Variants in CSMD3 observed in about 807,000 individuals in gnomAD.
CSMD3 encodes CUB and sushi domain-containing protein 3.
In CSMD3, 177 loss-of-function variants were observed where a neutral mutation model predicts 435.2. The observed-to-expected ratio is 0.41, with a 90% confidence interval of 0.36 to 0.46. The LOEUF (loss-of-function observed/expected upper bound fraction) is 0.46. Ranked by LOEUF, CSMD3 falls within the 20% of genes least tolerant of loss-of-function variation. CSMD3 has a pLI of 0.34. For synonymous variants in CSMD3, 1,656 were observed against 1,520.5 expected (o/e 1.09, Z -2.07); for missense variants, 4,265 against 4,504.6 (o/e 0.95, Z 1.52).
At chr8:112,499,556 C>A (rs1005209875) in intron 30 of CSMD3, among the ~76,000 whole-genome samples, 1 of 151,954 alleles carries the variant, frequency 6.6e-6, no homozygotes, top group African/African-American at 2.4e-5. Flanking sequence ...AAAACAAATC[C>A]TATGACAAGC....
chr8:113,270,760 G>A (rs1437683271), intron 3 of CSMD3, among the ~76,000 whole-genome samples: 1 of 151,710 alleles, frequency 6.6e-6, no homozygotes, highest in Non-Finnish European at 1.5e-5. Context: ...TCACTAATAG[G>A]TGGGAATTGA....
intron 26 of CSMD3, among the ~76,000 whole-genome samples, chr8:112,552,275 C>G (rs1389001885): frequency 6.6e-6 from 1 of 151,786 alleles, no homozygotes; most frequent in Non-Finnish European, 1.5e-5. Flanking sequence ...TGCTTGAGCC[C>G]AACATTTTGA....
intron 7 of CSMD3, among the ~76,000 whole-genome samples, chr8:112,964,408 C>A (rs1397340886): frequency 6.6e-6 from 1 of 151,816 alleles, no homozygotes; most frequent in Non-Finnish European, 1.5e-5. Flanking sequence ...TCATAAGGCA[C>A]AAAAGCTTTA....
chr8:112,249,437 C>G (rs1815064016), intron 63 of CSMD3, among the ~76,000 whole-genome samples: 1 of 152,072 alleles, frequency 6.6e-6, no homozygotes. Context: ...ATATTTCCAA[C>G]AAGTTCCCAG....
intron 35 of CSMD3, among the ~76,000 whole-genome samples, chr8:112,392,796 C>T (rs889190542): frequency 6.0e-5 from 9 of 151,032 alleles, no homozygotes; most frequent in African/African-American, 2.2e-4. Context: ...TGTTGCTTCT[C>T]TGGTGAAAAT....
At chr8:112,883,195 A>C (rs1196534732) in intron 10 of CSMD3, among the ~76,000 whole-genome samples, 1 of 151,980 alleles carries the variant, frequency 6.6e-6, no homozygotes, top group Non-Finnish European at 1.5e-5. Context: ...AGAAACTGAG[A>C]ATTTGGATGT....
At chr8:112,432,404 C>T (rs535241118) in intron 32 of CSMD3, among the ~76,000 whole-genome samples, 1 of 152,044 alleles carries the variant, frequency 6.6e-6, no homozygotes, top group Non-Finnish European at 1.5e-5. Context: ...CCAGGGCTCA[C>T]GTGATTCTCC....
At chr8:112,807,260 C>T (rs1441181478) in intron 12 of CSMD3, among the ~76,000 whole-genome samples, 1 of 152,148 alleles carries the variant, frequency 6.6e-6, no homozygotes, top group African/African-American at 2.4e-5. Flanking sequence ...TCTGCTGGGC[C>T]TCATGTTAAT....
At chr8:112,805,931 A>T (rs1462458842) in intron 12 of CSMD3, among the ~76,000 whole-genome samples, 2 of 152,190 alleles carry the variant, frequency 1.3e-5, no homozygotes, top group Non-Finnish European at 2.9e-5. Context: ...GAAACTAAAG[A>T]GCAATAAAAA....
At chr8:113,137,751 T>C (rs2091452053) in intron 4 of CSMD3, among the ~76,000 whole-genome samples, 1 of 151,654 alleles carries the variant, frequency 6.6e-6, no homozygotes, top group South Asian at 2.1e-4. Flanking sequence ...CCATCATGAC[T>C]CAATTACCTC....
In CSMD3 at chr8:112,770,381, G is replaced by A. The variant is rs932538868; in HGVS notation, c.1972+29781C>T. Reference sequence around the variant, plus strand: ...ATTCCTCCCCTTCAGAGGATGAAGCGTTCAAGGCACCATCTTGGAAACAGA... The same window carrying A: ...ATTCCTCCCCTTCAGAGGATGAAGCATTCAAGGCACCATCTTGGAAACAGA... On this transcript the variant is annotated intron_variant, in intron 13 of 70. Transcript: ENST00000297405. 5.3e-5 allele frequency among the ~76,000 whole-genome samples: 8 copies of A among 152,020 alleles called. No homozygotes were observed. In the South Asian group the frequency reaches 6.2e-4, roughly 12 times the overall value.
At chr8:112,410,664 A>T (rs565025244) in intron 32 of CSMD3, among the ~76,000 whole-genome samples, 1 of 102,436 alleles carries the variant, frequency 9.8e-6, no homozygotes, top group Non-Finnish European at 2.0e-5. Flanking sequence ...ATATATATGT[A>T]TATATATATG....
At chr8:112,448,953 T>A (rs745418270) in intron 32 of CSMD3, among the ~76,000 whole-genome samples, 1 of 152,132 alleles carries the variant, frequency 6.6e-6, no homozygotes, top group Non-Finnish European at 1.5e-5. Context: ...GATCTTGAGA[T>A]CTGGAATCTA....
chr8:112,609,284 A>G lies in CSMD3; in HGVS notation c.3716-22049T>C, dbSNP rs1401372341. Among the ~76,000 whole-genome samples the G allele has an allele frequency of 2.0e-5, 3 of 150,896 alleles. No individual in the cohort carries two copies. In the East Asian group the frequency reaches 5.8e-4, roughly 29 times the overall value. ...TATACTCGATAAAGGGTTAATATAC[A>G]TTAAATTCAAGAAACTCATATTATT... On this transcript the variant is annotated intron_variant, in intron 22 of 70. Coordinates refer to ENST00000297405, the MANE Select transcript of CSMD3 (RefSeq NM_198123.2).
In CSMD3 at chr8:112,716,097, A is replaced by G. The variant is rs564497038; in HGVS notation, c.1973-26047T>C. On this transcript the variant is annotated intron_variant, in intron 13 of 70. Transcript: ENST00000297405. ...CAGGGCAATCAGGCAAGAGAAAGAA[A>G]TAAAGGGTATTCAAATAGGAAGAGA... 1.2e-3 allele frequency among the ~76,000 whole-genome samples: 177 copies of G among 152,312 alleles called. 2 individuals are homozygous for G. Among genetic ancestry groups the G allele is most frequent in the African/African-American group, 4.0e-3 (166 of 41,570 alleles).
intron 3 of CSMD3, among the ~76,000 whole-genome samples, chr8:113,271,302 G>A (rs1470979525): frequency 6.6e-6 from 1 of 152,090 alleles, no homozygotes; most frequent in African/African-American, 2.4e-5. Flanking sequence ...ATATCTCCAG[G>A]GCACGTCACA....
rs183691276 is a variant in CSMD3, at chr8:112,616,072, G to T, written c.3715+20745C>A. 6.6e-5 allele frequency among the ~76,000 whole-genome samples: 10 copies of T among 152,144 alleles called. No homozygotes were observed. The East Asian group carries it at 1.9e-3, about 29-fold the overall frequency. ...ACAACTTAATACAGTAATTAAAAGT[G>T]ACTCGAGTCAGAATACCTGAGTCCT... is the stretch of plus-strand genomic sequence containing the variant. On this transcript the variant is annotated intron_variant, in intron 22 of 70. Transcript: ENST00000297405.
intron 1 of CSMD3, among the ~76,000 whole-genome samples, chr8:113,356,135 A>G (rs558596323): frequency 1.3e-5 from 2 of 151,996 alleles, no homozygotes; most frequent in African/African-American, 2.4e-5. Context: ...TCATGCATAT[A>G]CCACTTAAAA....
At chr8:112,506,856 C>G (rs1586550448) in intron 28 of CSMD3, 27 bp from the exon 29 acceptor site, 5 of 1,583,050 alleles carry the variant, frequency 3.2e-6, no homozygotes, top group Non-Finnish European at 4.3e-6. Context: ...CAAATAAAAT[C>G]TCTTTAAACA....
Sources: gnomAD v4.1 joint callset for allele counts (sites outside exome capture counted in the v4.1 genomes callset) on GRCh38, gnomAD v4.1.1 for gene constraint, MANE v1.5 for transcripts, NCBI Gene and HGNC (gene_info 2026-07-23, HGNC 2026-07-21) for gene names.